The following PEAK1 variants were observed in gnomAD, a reference collection of about 807,000 sequenced individuals.
PEAK1 encodes the protein inactive tyrosine-protein kinase PEAK1.
Under a neutral mutation model 124.7 loss-of-function variants are expected in PEAK1, and 54 were observed. That is an observed-to-expected ratio of 0.43 (90% CI 0.35 to 0.54). The LOEUF is 0.54. Among genes scored for constraint, PEAK1 ranks in the 20% least tolerant of loss-of-function variants. PEAK1 has a pLI of 0.01. For synonymous variants in PEAK1, 719 were observed against 760.0 expected (o/e 0.95, Z 0.89); for missense variants, 2,046 against 2,134.5 (o/e 0.96, Z 0.82).
At chr15:77,258,856 G>C (rs557556322) in intron 5 of PEAK1, among the ~76,000 whole-genome samples, 6 of 152,204 alleles carry the variant, frequency 3.9e-5, no homozygotes, top group Admixed American at 6.5e-5. Context: ...GATGTTGGCT[G>C]TGGGTTTGTC....
intron 6 of PEAK1, among the ~76,000 whole-genome samples, chr15:77,190,997 G>T (rs2057804676): frequency 6.6e-6 from 1 of 152,092 alleles, no homozygotes; most frequent in African/African-American, 2.4e-5. Context: ...TAAGCATAAA[G>T]AATTTATACC....
chr15:77,136,787 T>C (rs1260542178), intron 8 of PEAK1, among the ~76,000 whole-genome samples: 2 of 152,248 alleles, frequency 1.3e-5, no homozygotes, highest in African/African-American at 4.8e-5. Flanking sequence ...TGCAGAAATT[T>C]GCAGAAACTT....
chr15:77,148,409 A>T (rs1344674911), intron 8 of PEAK1, among the ~76,000 whole-genome samples: 1 of 152,230 alleles, frequency 6.6e-6, no homozygotes, highest in Non-Finnish European at 1.5e-5. Flanking sequence ...GGATCTGCAC[A>T]GCTGTCACTA....
chr15:77,251,066 C>T (rs1431211058), intron 6 of PEAK1, among the ~76,000 whole-genome samples: 1 of 152,138 alleles, frequency 6.6e-6, no homozygotes, highest in Non-Finnish European at 1.5e-5. Flanking sequence ...AGTTTCGGTC[C>T]ATCATACCCA....
intron 8 of PEAK1, among the ~76,000 whole-genome samples, chr15:77,154,877 C>T (rs1596379259): frequency 6.6e-6 from 1 of 152,040 alleles, no homozygotes; most frequent in East Asian, 1.9e-4. Context: ...ATGGGCTTCC[C>T]TTTGTGGGTA....
chr15:77,277,002 T>C (rs765479257), intron 5 of PEAK1, among the ~76,000 whole-genome samples: 3 of 152,032 alleles, frequency 2.0e-5, no homozygotes, highest in Admixed American at 6.6e-5. Context: ...AAATGTAGTA[T>C]CTAGAGTGAG....
chr15:77,273,653 T>A (rs2062152595), intron 5 of PEAK1, among the ~76,000 whole-genome samples: 1 of 152,084 alleles, frequency 6.6e-6, no homozygotes, highest in Admixed American at 6.6e-5. Context: ...TAGAAACACA[T>A]CCCATTTTCA....
chr15:77,303,412 C>A (rs1184308087), intron 2 of PEAK1, among the ~76,000 whole-genome samples: 1 of 152,124 alleles, frequency 6.6e-6, no homozygotes, highest in African/African-American at 2.4e-5. Flanking sequence ...CACATCCTCA[C>A]CAGAATTTGG....
chr15:77,253,125 C>G (rs2060955580), intron 5 of PEAK1, among the ~76,000 whole-genome samples: 1 of 151,642 alleles, frequency 6.6e-6, no homozygotes, highest in Non-Finnish European at 1.5e-5. Flanking sequence ...CACTGTAACA[C>G]CAAACACAAG....
downstream of PEAK1, chr15:77,106,582 T>A (rs1417131359): frequency 1.3e-5 from 2 of 152,202 alleles, no homozygotes; most frequent in Non-Finnish European, 2.9e-5. Context: ...GCCAGGATGG[T>A]CTCGATCTCC....
At position 77,179,814 on chromosome 15, in the gene PEAK1, T is replaced by TCTGAGCCA; in HGVS notation, c.2105_2112dup (p.Lys705TrpfsTer44). 6.2e-7 allele frequency: 1 copy of TCTGAGCCA among 1,614,150 alleles called. No individual in the cohort carries two copies. The highest frequency in any genetic ancestry group is 8.5e-7 in the Non-Finnish European group (1 of 1,180,018). ...AGACAGTTGTTAAACTCTTGAACCT[T>TCTGAGCCA]CTGAGCCACTGAGCCCCTTTTATGC... On this transcript the variant is annotated frameshift_variant, in exon 7 of 10. Transcript: ENST00000682557. LOFTEE classifies it high-confidence loss of function.
At chr15:77,162,380 G>A (rs765867129) in intron 7 of PEAK1, among the ~76,000 whole-genome samples, 3 of 151,322 alleles carry the variant, frequency 2.0e-5, no homozygotes, top group Non-Finnish European at 2.9e-5. Context: ...TGTAGTCCCA[G>A]GTATCGGGGA....
In PEAK1 at chr15:77,264,719, A is replaced by G. The variant is rs932622901; in HGVS notation, c.-274-12193T>C. 7.0e-3 allele frequency among the ~76,000 whole-genome samples: 1,062 copies of G among 152,240 alleles called. 9 individuals are homozygous for G. Among genetic ancestry groups the G allele is most frequent in the African/African-American group, 0.024 (1,012 of 41,524 alleles). On this transcript the variant is annotated intron_variant, in intron 5 of 9. Coordinates refer to ENST00000682557, the MANE Select transcript of PEAK1 (RefSeq NM_001385026.1). ...GATTCAATGCCATCCCCATCAAGCT[A>G]CCAATGACTTTCTTCACAGAATTGG...
At chr15:77,370,591 G>T in intron 1 of PEAK1, 4 of 538,860 alleles carry the variant, frequency 7.4e-6, no homozygotes, top group Non-Finnish European at 7.1e-6. Context: ...CACAGAGAAT[G>T]CCCTCAATTT....
chr15:77,145,240 G>C (rs2054090618), intron 8 of PEAK1, among the ~76,000 whole-genome samples: 1 of 152,210 alleles, frequency 6.6e-6, no homozygotes, highest in Non-Finnish European at 1.5e-5. Context: ...CCTGAGCTCA[G>C]AAGTTCGAGA....
chr15:77,221,314 C>G (rs1031390564), intron 6 of PEAK1, among the ~76,000 whole-genome samples: 1 of 152,040 alleles, frequency 6.6e-6, no homozygotes, highest in African/African-American at 2.4e-5. Flanking sequence ...TAGACCAACA[C>G]TAAAGTAAGA....
At chr15:77,323,111 T>G (rs553621719) in intron 2 of PEAK1, among the ~76,000 whole-genome samples, 40 of 152,242 alleles carry the variant, frequency 2.6e-4, no homozygotes, top group South Asian at 1.5e-3. Context: ...CTCAATAAAT[T>G]AGGTATTGAT....
chr15:77,247,475 C>CTT, intron 6 of PEAK1, among the ~76,000 whole-genome samples: 1 of 91,792 alleles, frequency 1.1e-5, no homozygotes, highest in Non-Finnish European at 2.1e-5. Flanking sequence ...TCTCTTTTTT[C>CTT]TTTTCTTTTC....
intron 5 of PEAK1, among the ~76,000 whole-genome samples, chr15:77,278,236 T>C (rs1597073832): frequency 6.6e-6 from 1 of 152,108 alleles, no homozygotes; most frequent in Admixed American, 6.5e-5. Context: ...ATTAAGTACA[T>C]TGTGATATAG....
Sources: allele counts gnomAD v4.1 joint callset (sites outside exome capture counted in the v4.1 genomes callset), GRCh38; gene constraint gnomAD v4.1.1; transcripts MANE v1.5; gene names NCBI Gene and HGNC (gene_info 2026-07-23, HGNC 2026-07-21).